The following MICU1 variants were observed in gnomAD, a reference collection of about 807,000 sequenced individuals.
The protein encoded by MICU1 is mitochondrial calcium uptake 1.
In MICU1, 45 loss-of-function variants were observed where a neutral mutation model predicts 56.8. The observed-to-expected ratio is 0.79, with a 90% CI of 0.62 to 1.02. MICU1 has a LOEUF of 1.02. MICU1 is among the 50% of genes least tolerant of loss of function. The probability of loss-of-function intolerance (pLI) is 0.00; values close to 1 mark genes in which losing one functional copy is unlikely to be tolerated. For missense variants in MICU1, 504 were observed against 587.1 expected (o/e 0.86, Z 1.46); for synonymous variants, 186 against 195.1 (o/e 0.95, Z 0.39).
chr10:72,444,544 G>C (rs1865048396), intron 8 of MICU1, among the ~76,000 whole-genome samples: 1 of 147,926 alleles, frequency 6.8e-6, no homozygotes. Context: ...CCGCCTCCCA[G>C]GTTCAAGAGA....
intron 3 of MICU1, among the ~76,000 whole-genome samples, chr10:72,559,983 G>A (rs556791948): frequency 5.9e-5 from 9 of 152,138 alleles, no homozygotes; most frequent in South Asian, 2.1e-4. Flanking sequence ...GCGGTGGAAC[G>A]GTTTCTCCTC....
Position 72,508,147 on chromosome 10 carries a change from A to G in MICU1, c.652+8T>C, listed in dbSNP as rs1350462010. ...CTACAAATGGAAAAAGAAAACGTTT[A>G]TACTTACTGGAAAGAACAGTTGTGA... On this transcript the variant is annotated splice_region_variant and intron_variant, in intron 6 of 11. Coordinates refer to ENST00000361114, the MANE Select transcript of MICU1 (RefSeq NM_001195518.2). 8 of 1,436,154 alleles carry G rather than the reference A, an allele frequency of 5.6e-6. No homozygotes were observed. Among genetic ancestry groups the G allele is most frequent in the Non-Finnish European group, 7.5e-6 (8 of 1,060,302 alleles). 89.0% of individuals were successfully genotyped at this position (1,436,154 alleles called of 1,614,324 possible).
intron 10 of MICU1, among the ~76,000 whole-genome samples, chr10:72,407,161 A>G (rs1863658743): frequency 6.6e-6 from 1 of 152,186 alleles, no homozygotes; most frequent in Non-Finnish European, 1.5e-5. Flanking sequence ...AAGAACTTTA[A>G]ATGAATCTTG....
intron 6 of MICU1, among the ~76,000 whole-genome samples, chr10:72,501,271 C>A (rs1337973265): frequency 6.6e-6 from 1 of 151,918 alleles, no homozygotes; most frequent in Non-Finnish European, 1.5e-5. Flanking sequence ...TATATGAATT[C>A]TGAATTATAA....
At chr10:72,565,500 GA>G in intron 2 of MICU1, among the ~76,000 whole-genome samples, 1 of 103,514 alleles carries the variant, frequency 9.7e-6, no homozygotes, top group Non-Finnish European at 1.8e-5. Context: ...GGGGTGGGGG[GA>G]GGGGGGAGGG....
intron 10 of MICU1, among the ~76,000 whole-genome samples, chr10:72,384,393 C>A (rs1564838878): frequency 6.6e-6 from 1 of 152,112 alleles, no homozygotes; most frequent in Non-Finnish European, 1.5e-5. Flanking sequence ...CTACACTTTC[C>A]CGATATTGAT....
At chr10:72,414,805 G>A (rs1863930764) in intron 9 of MICU1, among the ~76,000 whole-genome samples, 1 of 152,120 alleles carries the variant, frequency 6.6e-6, no homozygotes. Context: ...GATATCTAAT[G>A]CTGACAGGCC....
intron 1 of MICU1, among the ~76,000 whole-genome samples, chr10:72,587,534 C>G (rs1220674240): frequency 6.6e-6 from 1 of 151,230 alleles, no homozygotes; most frequent in Non-Finnish European, 1.5e-5. Flanking sequence ...CTTTGGAAGG[C>G]CAAAGCACAC....
At chr10:72,417,980 C>G (rs958925272) in intron 9 of MICU1, among the ~76,000 whole-genome samples, 3 of 152,276 alleles carry the variant, frequency 2.0e-5, no homozygotes, top group Middle Eastern at 3.4e-3. Context: ...AACTTACAGT[C>G]ATGGCAGAAG....
At chr10:72,579,424 A>G (rs1001393983) in intron 1 of MICU1, among the ~76,000 whole-genome samples, 11 of 152,026 alleles carry the variant, frequency 7.2e-5, no homozygotes, top group Admixed American at 3.9e-4. Context: ...CAACATTACA[A>G]TTTACCCTTT....
chr10:72,379,893 G>GT (rs1199832444), intron 10 of MICU1, among the ~76,000 whole-genome samples: 6 of 152,078 alleles, frequency 3.9e-5, no homozygotes, highest in African/African-American at 1.4e-4. Flanking sequence ...CCCTTTCCTG[G>GT]TACAAGATCC....
At chr10:72,487,508 G>A (rs1243472193) in intron 6 of MICU1, among the ~76,000 whole-genome samples, 1 of 152,108 alleles carries the variant, frequency 6.6e-6, no homozygotes, top group East Asian at 1.9e-4. Context: ...CTACCAAGAG[G>A]TGGAAGTGGT....
chr10:72,477,909 C>T (rs1866172977), intron 6 of MICU1, among the ~76,000 whole-genome samples: 1 of 146,626 alleles, frequency 6.8e-6, no homozygotes, highest in Non-Finnish European at 1.5e-5. Context: ...CACTCTGTTG[C>T]CCAAGCTGGA....
chr10:72,374,226 T>A (rs1862440917), intron 11 of MICU1, among the ~76,000 whole-genome samples: 1 of 152,380 alleles, frequency 6.6e-6, no homozygotes, highest in East Asian at 1.9e-4. Flanking sequence ...CTTCAAGCGA[T>A]CCTCTCACTT....
intron 8 of MICU1, among the ~76,000 whole-genome samples, chr10:72,425,018 A>C (rs567767892): frequency 6.6e-6 from 1 of 152,354 alleles, no homozygotes; most frequent in Non-Finnish European, 1.5e-5. Context: ...TTCAGGATTC[A>C]ATTTAAGTGT....
intron 1 of MICU1, among the ~76,000 whole-genome samples, chr10:72,617,904 G>A (rs762298074): frequency 3.3e-5 from 5 of 152,094 alleles, no homozygotes; most frequent in Non-Finnish European, 5.9e-5. Flanking sequence ...AGTGGCTTAC[G>A]CCTGTAATCC....
At chr10:72,420,479 T>C (rs1358356129) in intron 9 of MICU1, among the ~76,000 whole-genome samples, 1 of 152,228 alleles carries the variant, frequency 6.6e-6, no homozygotes, top group East Asian at 1.9e-4. Flanking sequence ...GGTATGTCTT[T>C]ATTAGCAGCA....
chr10:72,444,214 G>T (rs1390175721), intron 8 of MICU1, among the ~76,000 whole-genome samples: 1 of 148,638 alleles, frequency 6.7e-6, no homozygotes, highest in Non-Finnish European at 1.5e-5. Context: ...ACACTCTGGG[G>T]ACTGTTGTGG....
intron 10 of MICU1, among the ~76,000 whole-genome samples, chr10:72,403,393 T>G (rs1051537927): frequency 2.0e-5 from 3 of 152,076 alleles, no homozygotes; most frequent in African/African-American, 7.2e-5. Context: ...ATTTTTAAAT[T>G]TTTTGTAGAG....
Sources: allele counts gnomAD v4.1 joint callset (sites outside exome capture counted in the v4.1 genomes callset), GRCh38; gene constraint gnomAD v4.1.1; transcripts MANE v1.5; gene names NCBI Gene and HGNC (gene_info 2026-07-23, HGNC 2026-07-21).